The following CACNA2D2 variants were observed in gnomAD, a reference collection of about 807,000 sequenced individuals.
The protein encoded by CACNA2D2 is calcium voltage-gated channel auxiliary subunit alpha2delta 2.
A neutral mutation model predicts 166.4 loss-of-function variants in CACNA2D2; 48 were observed. The observed-to-expected ratio is 0.29, with a 90% CI of 0.23 to 0.37. The LOEUF is 0.37. CACNA2D2 is among the 10% of genes least tolerant of loss of function. The probability of loss-of-function intolerance (pLI) is 1.00; values close to 1 mark genes in which losing one functional copy is unlikely to be tolerated. For synonymous variants in CACNA2D2, 561 were observed against 573.7 expected (o/e 0.98, Z 0.32); for missense variants, 1,122 against 1,433.0 (o/e 0.78, Z 3.50).
rs755249188 is a variant in CACNA2D2 at position 50,365,383 on chromosome 3, G to A, written c.3071C>T (p.Ala1024Val). The A allele has an allele frequency of 2.5e-6, 4 of 1,613,602 alleles. No homozygotes were observed. The East Asian group carries it at 6.7e-5, about 27-fold the overall frequency. The change falls in exon 35 of 38, where the codon GCC becomes GTC. Residue 1024 changes from alanine to valine, a missense_variant. Coordinates refer to ENST00000424201, the MANE Select transcript of CACNA2D2 (RefSeq NM_006030.4). This position sits in a 1 kb window ranked among gnomAD's most constrained non-coding sequence, Gnocchi z 4.5. ...YFGSVNASYN[A>V]IIDCGNCSRL... ...GGAGCAGTTTCCGCAGTCGATGATG[G>A]CGTTGTAGGAGGCGTTTACCGAGCC...
intron 2 of CACNA2D2, among the ~76,000 whole-genome samples, chr3:50,468,380 AGTGTGTGTGTGTGTGT>A (rs3220659): frequency 4.4e-3 from 363 of 83,172 alleles, no homozygotes; most frequent in South Asian, 7.2e-3. Flanking sequence ...TCATCAGAAT[AGTGTGTGTGTGTGTGT>A]GTGTGTGTGT....
chr3:50,384,264 G>C lies in CACNA2D2; in HGVS notation c.584C>G (p.Pro195Arg), dbSNP rs1705476018. Residue 195 changes from proline to arginine, a missense_variant, in exon 6 of 38, where the codon CCA becomes CGA. Physicochemically the swap from Pro to Arg is moderately radical, Grantham distance 103. This residue lies in a region of CACNA2D2 where 840 missense variants were observed against 1,166.8 expected (regional missense o/e 0.72). Coordinates refer to ENST00000424201, the MANE Select transcript of CACNA2D2 (RefSeq NM_006030.4). ...ATAGTTGACCTTGTTCTTGAAGTTT[G>C]GGTCCTCGATGAAGTCCAGCCTTAG... ...STLRLDFIEDPNFKNKVNYSY... is the reference protein window; with the variant it reads ...STLRLDFIEDRNFKNKVNYSY... 1 of 1,614,042 alleles carries C rather than the reference G, an allele frequency of 6.2e-7. No homozygotes were observed. Among genetic ancestry groups the C allele is most frequent in the South Asian group, 1.1e-5 (1 of 91,092 alleles).
At chr3:50,471,019 C>T (rs1253217658) in intron 2 of CACNA2D2, among the ~76,000 whole-genome samples, 2 of 152,086 alleles carry the variant, frequency 1.3e-5, no homozygotes, top group African/African-American at 2.4e-5. Flanking sequence ...GGGAGGCAAG[C>T]GACAGCAATC....
chr3:50,373,148 C>A, intron 22 of CACNA2D2: 1 of 1,430,876 alleles, frequency 7.0e-7, no homozygotes, highest in Non-Finnish European at 9.5e-7. Context: ...CAAAAACAAA[C>A]GAAAAGGGGG....
chr3:50,382,902 G>A (rs895727496), intron 6 of CACNA2D2, among the ~76,000 whole-genome samples: 4 of 152,240 alleles, frequency 2.6e-5, no homozygotes, highest in South Asian at 2.1e-4. Flanking sequence ...ACCCATACAC[G>A]GCAAGGCACA....
rs201935269 is a variant in CACNA2D2, at chr3:50,394,129, G to A, written c.445C>T (p.Arg149Cys). The A allele has an allele frequency of 3.1e-4, 495 of 1,613,962 alleles. 1 individual carries two copies. The highest frequency in any genetic ancestry group is 3.8e-4 in the Non-Finnish European group (448 of 1,179,976). ...CCTACCTTGATGTTGTCCTGCCAGC[G>A]GTGTGCTTTCTGGAAGTTCTCTGCA... ...DAAENFQKAH[R>C]WQDNIKEEDI... Residue 149 changes from arginine to cysteine, a missense_variant, in exon 4 of 38, where the codon CGC becomes TGC. Transcript: ENST00000424201.
intron 6 of CACNA2D2, among the ~76,000 whole-genome samples, 180 bp downstream of exon 6, chr3:50,384,016 G>GT (rs1046953201): frequency 1.3e-5 from 2 of 152,258 alleles, no homozygotes; most frequent in South Asian, 2.1e-4. Flanking sequence ...GGCTCTGCCT[G>GT]TAAGTGCTTG....
In CACNA2D2 at chr3:50,382,601, G is replaced by A. The variant is rs866594650; in HGVS notation, c.653-1475C>T. 3.3e-4 allele frequency among the ~76,000 whole-genome samples: 50 copies of A among 152,320 alleles called. 1 individual carries two copies. The highest frequency in any genetic ancestry group is 3.4e-3 in the Middle Eastern group (1 of 294). ...ATTTCAAGCATTGGCTCTGCTTATT[G>A]AACAGTATGTTATGGTCCTGTTCCT... On this transcript the variant is annotated intron_variant, in intron 6 of 37. Coordinates refer to ENST00000424201, the MANE Select transcript of CACNA2D2 (RefSeq NM_006030.4).
In CACNA2D2 at chr3:50,366,979, C is replaced by T. The variant is rs750129920; in HGVS notation, c.2500+32G>A. 6.2e-6 allele frequency: 10 copies of T among 1,612,914 alleles called. No homozygotes were observed. In the South Asian group the frequency reaches 6.6e-5, roughly 11 times the overall value. ...TGCCCAGGCAGTACCCTGTCCATTG[C>T]CTGTTTCCCCACCTCTGTCCCAAAC... On this transcript the variant is annotated intron_variant, in intron 28 of 37. Transcript: ENST00000424201. This position sits in a 1 kb window ranked among gnomAD's most constrained non-coding sequence, Gnocchi z 5.9.
At position 50,378,571 on chromosome 3, in the gene CACNA2D2, C is replaced by G. The variant is rs587626450; in HGVS notation, c.1340-238G>C. 2.0e-5 allele frequency among the ~76,000 whole-genome samples: 3 copies of G among 152,314 alleles called. No individual in the cohort carries two copies. In the East Asian group the frequency reaches 5.8e-4, roughly 29 times the overall value. On this transcript the variant is annotated intron_variant, in intron 13 of 37. Coordinates refer to ENST00000424201, the MANE Select transcript of CACNA2D2 (RefSeq NM_006030.4). ...GGGGGCAGAGATGGGGAGGGAGGAG[C>G]CTGAGGTCTGAGGTCCCTCATTTTA...
In CACNA2D2 at chr3:50,367,957, C is replaced by A; in HGVS notation, c.2144-55G>T. ...GGGCATCTTCTTGCAGCTCCTTGCC[C>A]ACCCTCACCCCCACCCTTAAGGCTC... On this transcript the variant is annotated intron_variant, in intron 24 of 37. Coordinates refer to ENST00000424201, the MANE Select transcript of CACNA2D2 (RefSeq NM_006030.4). The surrounding 1 kb of genome is among the most constrained non-coding windows in gnomAD (Gnocchi z 6.5). The A allele has an allele frequency of 2.2e-6, 3 of 1,347,286 alleles. No individual in the cohort carries two copies. Among genetic ancestry groups the A allele is most frequent in the East Asian group, 2.4e-5 (1 of 41,570 alleles). The allele number at this position is 1,347,286 out of a possible 1,614,324, so 83.5% of individuals were successfully genotyped here.
At chr3:50,429,527 C>T (rs1022645477) in intron 3 of CACNA2D2, among the ~76,000 whole-genome samples, 3 of 142,000 alleles carry the variant, frequency 2.1e-5, no homozygotes, top group Admixed American at 7.8e-5. Flanking sequence ...CCGAGACGGG[C>T]GGATCACGAG....
chr3:50,460,681 C>T (rs771292237), intron 2 of CACNA2D2, among the ~76,000 whole-genome samples: 3 of 151,852 alleles, frequency 2.0e-5, no homozygotes, highest in East Asian at 1.9e-4. Context: ...GGTGAAACCC[C>T]GTCTCTACTA....
At chr3:50,476,081 G>A in intron 2 of CACNA2D2, 37 bp downstream of exon 2, 4 of 1,506,282 alleles carry the variant, frequency 2.7e-6, no homozygotes, top group Non-Finnish European at 2.7e-6. Flanking sequence ...CCTTGGAAGA[G>A]GGTCCCTGAA....
At position 50,377,756 on chromosome 3, in the gene CACNA2D2, T is replaced by G. The variant is rs1379464318; in HGVS notation, c.1527A>C (p.Thr509=). Residue 509 remains threonine, a synonymous_variant, in exon 16 of 38, where the codon ACA becomes ACC. Coordinates refer to ENST00000424201, the MANE Select transcript of CACNA2D2 (RefSeq NM_006030.4). The part of the protein sequence containing the change: ...VTGTLPVFNL[T]QDGPGEKKNQ... ...CCTTCTTTTCCCCAGGGCCATCCTG[T>G]GTCAGGTTGAAAACAGGGAGGGTCC... is the stretch of plus-strand genomic sequence containing the variant. The G allele has an allele frequency of 3.7e-6, 6 of 1,613,090 alleles. No individual in the cohort carries two copies. In the Admixed American group the frequency reaches 6.7e-5, roughly 18 times the overall value.
At chr3:50,485,640 A>C (rs1039824716) in intron 1 of CACNA2D2, among the ~76,000 whole-genome samples, 1 of 152,216 alleles carries the variant, frequency 6.6e-6, no homozygotes, top group Non-Finnish European at 1.5e-5. Context: ...AGAAACTCCT[A>C]GGATACGGAG....
At chr3:50,448,715 G>GGCCCA (rs1708973542) in intron 2 of CACNA2D2, among the ~76,000 whole-genome samples, 1 of 152,118 alleles carries the variant, frequency 6.6e-6, no homozygotes, top group Non-Finnish European at 1.5e-5. Context: ...TGTGTGCACA[G>GGCCCA]GCCCAGGGTA....
intron 1 of CACNA2D2, among the ~76,000 whole-genome samples, chr3:50,502,943 C>A (rs543195234): frequency 2.6e-5 from 4 of 152,240 alleles, no homozygotes; most frequent in South Asian, 2.1e-4. Context: ...ACCGCCCCCC[C>A]CCAACTCCTC....
chr3:50,463,490 GT>G (rs887415118), intron 2 of CACNA2D2, among the ~76,000 whole-genome samples: 5 of 152,198 alleles, frequency 3.3e-5, no homozygotes. Context: ...GTAGAGACAG[GT>G]TTTGCCATGT....
Sources: gnomAD v4.1 joint callset for allele counts (sites outside exome capture counted in the v4.1 genomes callset) on GRCh38, gnomAD v4.1.1 for gene constraint, gnomAD v4.1.1 regional missense constraint, Gnocchi (gnomAD v3.1) non-coding constraint, MANE v1.5 for transcripts, NCBI Gene and HGNC (gene_info 2026-07-23, HGNC 2026-07-21) for gene names.